The following SLC9B1 variants were observed in gnomAD, a reference collection of about 807,000 sequenced individuals.
SLC9B1 encodes the protein solute carrier family 9 member B1.
In SLC9B1, 32 loss-of-function variants were observed where a neutral mutation model predicts 51.7. The ratio of observed to expected loss-of-function variants is 0.62; its 90% confidence interval spans 0.47 to 0.83. SLC9B1 has a LOEUF of 0.83. Among genes scored for constraint, SLC9B1 ranks in the 40% least tolerant of loss-of-function variants. The pLI is 0.00. For missense variants in SLC9B1, 406 were observed against 613.2 expected (o/e 0.66, Z 3.57); for synonymous variants, 145 against 212.7 (o/e 0.68, Z 2.77).
chr4:102,948,816 GGA>G (rs931702086), intron 4 of SLC9B1, among the ~76,000 whole-genome samples: 12 of 152,138 alleles, frequency 7.9e-5, no homozygotes, highest in African/African-American at 2.9e-4. Context: ...GAGTCCAAAA[GGA>G]GAGAGGGTTG....
intron 11 of SLC9B1, among the ~76,000 whole-genome samples, chr4:102,904,565 T>C (rs1344170007): frequency 6.6e-6 from 1 of 152,092 alleles, no homozygotes; most frequent in Admixed American, 6.6e-5. Flanking sequence ...TTACATTGGC[T>C]GGGCCCAGTG....
intron 3 of SLC9B1, among the ~76,000 whole-genome samples, chr4:102,980,650 T>C (rs1739304202): frequency 6.6e-6 from 1 of 152,078 alleles, no homozygotes; most frequent in Admixed American, 6.6e-5. Flanking sequence ...ACCTAGGTGA[T>C]GGATTGATCT....
chr4:102,934,168 A>C (rs1736601238), intron 6 of SLC9B1, among the ~76,000 whole-genome samples: 1 of 152,260 alleles, frequency 6.6e-6, no homozygotes, highest in African/African-American at 2.4e-5. Flanking sequence ...TGAGCTTGAC[A>C]AGCTGATTAT....
chr4:102,902,789 C>A (rs555860729), intron 11 of SLC9B1, among the ~76,000 whole-genome samples: 1 of 152,242 alleles, frequency 6.6e-6, no homozygotes, highest in Non-Finnish European at 1.5e-5. Flanking sequence ...GCTGATCTTA[C>A]ATTTGTAAAC....
intron 9 of SLC9B1, among the ~76,000 whole-genome samples, chr4:102,910,052 CG>C (rs1280851961): frequency 6.6e-6 from 1 of 151,960 alleles, no homozygotes; most frequent in Non-Finnish European, 1.5e-5. Context: ...TGACCCCACG[CG>C]ATCTGTCCGC....
rs778886640 is a variant in SLC9B1 at position 102,949,268 on chromosome 4, G to A, written c.371C>T (p.Pro124Leu). The A allele has an allele frequency of 2.6e-5, 42 of 1,586,820 alleles. No individual in the cohort carries two copies. The highest frequency in any genetic ancestry group is 3.6e-5 in the Non-Finnish European group (42 of 1,169,204). Reference protein sequence around the residue: ...LIRIPLVPPLPPLLGMLLAGF... With the variant: ...LIRIPLVPPLLPLLGMLLAGF... Reference sequence around the variant, plus strand: ...AATTATATACTTACCAAGAAGAGGTGGAAGTGGAGGCACTAAAGGTATTCT... The same window carrying A: ...AATTATATACTTACCAAGAAGAGGTAGAAGTGGAGGCACTAAAGGTATTCT... The change falls in exon 4 of 12, where the codon CCA becomes CTA. Residue 124 changes from proline to leucine, a missense_variant. Pro to Leu is a moderately conservative substitution (Grantham distance 98). Transcript: ENST00000296422.
intron 7 of SLC9B1, among the ~76,000 whole-genome samples, chr4:102,917,835 C>T (rs1287251891): frequency 4.6e-5 from 7 of 151,172 alleles, no homozygotes; most frequent in Non-Finnish European, 8.8e-5. Flanking sequence ...TTTGGGAGGC[C>T]GAGGCAGGCA....
intron 3 of SLC9B1, among the ~76,000 whole-genome samples, chr4:102,961,789 G>A (rs1299461020): frequency 6.6e-6 from 1 of 152,140 alleles, no homozygotes; most frequent in Non-Finnish European, 1.5e-5. Flanking sequence ...TGTTACATAG[G>A]TATACATGTG....
chr4:102,939,323 A>G (rs1271961091), intron 6 of SLC9B1, among the ~76,000 whole-genome samples: 1 of 150,938 alleles, frequency 6.6e-6, no homozygotes, highest in African/African-American at 2.4e-5. Context: ...CAACTTCCCA[A>G]GATTGAACTA....
chr4:103,001,375 T>A (rs1301996114), intron 1 of SLC9B1, among the ~76,000 whole-genome samples: 1 of 152,226 alleles, frequency 6.6e-6, no homozygotes, highest in Non-Finnish European at 1.5e-5. Context: ...TTTTCTTTTC[T>A]ATTACATGGT....
chr4:102,951,444 CTAGA>C (rs1208536350), intron 3 of SLC9B1, among the ~76,000 whole-genome samples: 1 of 151,912 alleles, frequency 6.6e-6, no homozygotes, highest in African/African-American at 2.4e-5. Flanking sequence ...AATAGAACCA[CTAGA>C]TAGACACTAT....
chr4:102,886,564 G>A (rs1039557178), intron 11 of SLC9B1, among the ~76,000 whole-genome samples: 1 of 152,048 alleles, frequency 6.6e-6, no homozygotes, highest in African/African-American at 2.4e-5. Context: ...TTATTATTAT[G>A]TGTATCTGGA....
At position 102,920,037 on chromosome 4, in the gene SLC9B1, AAG is replaced by A. The variant is rs1376999478; in HGVS notation, c.830-8502_830-8501del. Among the ~76,000 whole-genome samples, 3 of 152,370 alleles carry A rather than the reference AAG, an allele frequency of 2.0e-5. No individual in the cohort carries two copies. In the East Asian group the frequency reaches 5.8e-4, roughly 29 times the overall value. On this transcript the variant is annotated intron_variant, in intron 7 of 11. Transcript: ENST00000296422. ...TAAACGTCCCTGTCTGACAGCTCTG[AAG>A]AGAGCAGTGGTTTTCCCAGCATGGC... is the stretch of plus-strand genomic sequence containing the variant.
chr4:102,972,818 G>T (rs183447419), intron 3 of SLC9B1, among the ~76,000 whole-genome samples: 153 of 152,242 alleles, frequency 1.0e-3, no homozygotes, highest in African/African-American at 3.3e-3. Flanking sequence ...TGGAACAAAA[G>T]TACTGGAAAA....
intron 6 of SLC9B1, among the ~76,000 whole-genome samples, chr4:102,941,639 CAAAAA>C (rs34497777): frequency 2.4e-4 from 20 of 81,808 alleles, no homozygotes; most frequent in East Asian, 1.0e-3. Flanking sequence ...GACTCCGTCT[CAAAAA>C]AAAAAAAAAA....
intron 1 of SLC9B1, among the ~76,000 whole-genome samples, chr4:103,018,541 A>G (rs1741526581): frequency 2.0e-5 from 3 of 152,178 alleles, no homozygotes; most frequent in African/African-American, 7.2e-5. Context: ...TGTTGCACAC[A>G]TAATTATATT....
chr4:103,000,381 C>A (rs1740456496), intron 1 of SLC9B1, among the ~76,000 whole-genome samples: 1 of 152,198 alleles, frequency 6.6e-6, no homozygotes, highest in East Asian at 1.9e-4. Flanking sequence ...GCCTTCACAA[C>A]AATCCCCCAA....
chr4:102,969,099 G>C (rs78463979), intron 3 of SLC9B1, among the ~76,000 whole-genome samples: 1 of 152,306 alleles, frequency 6.6e-6, no homozygotes, highest in Non-Finnish European at 1.5e-5. Flanking sequence ...CGCCACCTCT[G>C]GGGGCAGGGT....
intron 3 of SLC9B1, among the ~76,000 whole-genome samples, chr4:102,975,544 T>C (rs1405858327): frequency 6.8e-6 from 1 of 146,718 alleles, no homozygotes; most frequent in African/African-American, 2.5e-5. Context: ...GCTTCAACTA[T>C]ATCTATAATG....
Sources: allele counts gnomAD v4.1 joint callset (sites outside exome capture counted in the v4.1 genomes callset), GRCh38; gene constraint gnomAD v4.1.1; transcripts MANE v1.5; gene names NCBI Gene and HGNC (gene_info 2026-07-23, HGNC 2026-07-21).